Variants in PPARGC1A observed in about 807,000 individuals in gnomAD.
PPARGC1A encodes PPARG coactivator 1 alpha, also known as peroxisome proliferator-activated receptor gamma coactivator 1-alpha.
Under a neutral mutation model 88.7 loss-of-function variants are expected in PPARGC1A, and 25 were observed. The observed-to-expected ratio is 0.28, with a 90% CI of 0.21 to 0.39. The LOEUF (loss-of-function observed/expected upper bound fraction) is 0.39, where lower values mean the gene tolerates loss of function less well. Among genes scored for constraint, PPARGC1A ranks in the 10% least tolerant of loss-of-function variants. The probability of loss-of-function intolerance (pLI) is 1.00; values close to 1 mark genes in which losing one functional copy is unlikely to be tolerated. For missense variants in PPARGC1A, 880 were observed against 968.7 expected (o/e 0.91, Z 1.22); for synonymous variants, 363 against 355.6 (o/e 1.02, Z -0.24).
chr4:24,083,945 T>C, the PPARGC1A span, among the ~76,000 whole-genome samples: 4 of 152,236 alleles, frequency 2.6e-5, no homozygotes, highest in African/African-American at 9.6e-5. Flanking sequence ...TGTGTGTTTC[T>C]TCATTTAGTC....
the PPARGC1A span, among the ~76,000 whole-genome samples, chr4:24,130,704 C>T: frequency 1.3e-5 from 2 of 152,150 alleles, no homozygotes; most frequent in Non-Finnish European, 1.5e-5. Context: ...CCTGAACGTC[C>T]TCATCTGCCA....
the PPARGC1A span, among the ~76,000 whole-genome samples, chr4:24,110,809 A>T: frequency 6.6e-6 from 1 of 152,160 alleles, no homozygotes; most frequent in Non-Finnish European, 1.5e-5. Flanking sequence ...TATACGTTGT[A>T]TCTATCTTCA....
the PPARGC1A span, among the ~76,000 whole-genome samples, chr4:24,384,036 T>G: frequency 6.6e-6 from 1 of 151,960 alleles, no homozygotes. Flanking sequence ...CCTCTGTTAG[T>G]TGCAGAAACC....
the PPARGC1A span, among the ~76,000 whole-genome samples, chr4:24,212,033 A>G: frequency 6.6e-6 from 1 of 151,950 alleles, no homozygotes. Context: ...CTACAACTTC[A>G]TCTGATCATG....
chr4:24,081,327 T>TA, the PPARGC1A span, among the ~76,000 whole-genome samples: 3 of 152,262 alleles, frequency 2.0e-5, no homozygotes, highest in African/African-American at 4.8e-5. Context: ...TTGTGCTATT[T>TA]AAGGCTCATC....
chr4:23,910,673 C>T, the PPARGC1A span, among the ~76,000 whole-genome samples: 1 of 151,234 alleles, frequency 6.6e-6, no homozygotes, highest in South Asian at 2.1e-4. Context: ...CTGCTGACCT[C>T]ATGATCCACC....
the PPARGC1A span, among the ~76,000 whole-genome samples, chr4:24,164,240 G>A: frequency 1.3e-5 from 2 of 152,340 alleles, no homozygotes; most frequent in African/African-American, 4.8e-5. Context: ...GTCAGTAGCA[G>A]AGTGGGGCTG....
the PPARGC1A span, among the ~76,000 whole-genome samples, chr4:24,255,687 G>A: frequency 1.5e-3 from 236 of 152,270 alleles, 1 homozygote; most frequent in African/African-American, 5.5e-3. Flanking sequence ...ATGATCAAGA[G>A]GCATAATCAT....
chr4:23,819,986 G>A (rs2932975), intron 7 of PPARGC1A, among the ~76,000 whole-genome samples: 38,860 of 152,024 alleles, frequency 0.26, 5,373 homozygotes, highest in Admixed American at 0.34. Flanking sequence ...GGCTACAGCC[G>A]TTTGTCAATA....
chr4:24,002,604 CTTT>C, the PPARGC1A span, among the ~76,000 whole-genome samples: 6 of 136,386 alleles, frequency 4.4e-5, no homozygotes, highest in Admixed American at 7.1e-5. Flanking sequence ...GTGCATGCTG[CTTT>C]TTTTTTTTTT....
At chr4:24,385,008 G>A in the PPARGC1A span, among the ~76,000 whole-genome samples, 1 of 152,024 alleles carries the variant, frequency 6.6e-6, no homozygotes, top group Non-Finnish European at 1.5e-5. Context: ...ACATGCCTCA[G>A]CAAATGCAAA....
At chr4:24,135,844 G>A in the PPARGC1A span, among the ~76,000 whole-genome samples, 2 of 152,180 alleles carry the variant, frequency 1.3e-5, no homozygotes, top group African/African-American at 2.4e-5. Flanking sequence ...CTCTGGGGGG[G>A]TCAATATGTT....
chr4:23,874,477 G>A (rs1312052385), intron 2 of PPARGC1A, among the ~76,000 whole-genome samples: 6 of 151,568 alleles, frequency 4.0e-5, no homozygotes. Context: ...TTAAAGCTCT[G>A]TTTAAACATG....
At chr4:24,321,822 C>G in the PPARGC1A span, among the ~76,000 whole-genome samples, 1 of 152,192 alleles carries the variant, frequency 6.6e-6, no homozygotes, top group Non-Finnish European at 1.5e-5. Flanking sequence ...TGAAAAGAGA[C>G]TTAAGAACAG....
chr4:24,302,701 G>A, the PPARGC1A span, among the ~76,000 whole-genome samples: 1 of 152,228 alleles, frequency 6.6e-6, no homozygotes, highest in East Asian at 1.9e-4. Context: ...CAGCAGCCAT[G>A]AAACGTCCAT....
chr4:24,086,705 C>CA, the PPARGC1A span, among the ~76,000 whole-genome samples: 3 of 151,812 alleles, frequency 2.0e-5, no homozygotes, highest in South Asian at 2.1e-4. Context: ...GGGGGGTATT[C>CA]AAAAAAACAC....
At chr4:24,280,397 T>C in the PPARGC1A span, among the ~76,000 whole-genome samples, 1 of 152,190 alleles carries the variant, frequency 6.6e-6, no homozygotes, top group African/African-American at 2.4e-5. Context: ...CTCAGAAATA[T>C]GCTGTGACCT....
At chr4:23,986,723 T>C in the PPARGC1A span, among the ~76,000 whole-genome samples, 11 of 152,084 alleles carry the variant, frequency 7.2e-5, no homozygotes, top group Non-Finnish European at 1.3e-4. Context: ...CACAGTTCAC[T>C]ATCCAGCAAA....
the PPARGC1A span, among the ~76,000 whole-genome samples, chr4:24,262,950 C>A: frequency 6.6e-6 from 1 of 152,082 alleles, no homozygotes. Flanking sequence ...TAACACAGAG[C>A]GCTTCAATAT....
Sources: allele counts gnomAD v4.1 joint callset (sites outside exome capture counted in the v4.1 genomes callset), GRCh38; gene constraint gnomAD v4.1.1; transcripts MANE v1.5; gene names NCBI Gene and HGNC (gene_info 2026-07-23, HGNC 2026-07-21).